ARHGEF12: variants seen among roughly 807,000 people sequenced by gnomAD.
ARHGEF12 encodes KMT2A/ARHGEF12 fusion protein.
In ARHGEF12, 66 loss-of-function variants were observed where a neutral mutation model predicts 211.2. The ratio of observed to expected loss-of-function variants is 0.31; its 90% CI spans 0.26 to 0.38. ARHGEF12 has a LOEUF of 0.38. ARHGEF12 is among the 10% of genes least tolerant of loss of function. The pLI is 1.00. For missense variants in ARHGEF12, 1,429 were observed against 1,869.5 expected, an observed-to-expected ratio of 0.76 and a Z score of 4.34; for synonymous variants, 592 against 638.4, an observed-to-expected ratio of 0.93 and a Z score of 1.09.
At chr11:120,471,812 T>C (rs1230682839) in intron 30 of ARHGEF12, among the ~76,000 whole-genome samples, 3 of 152,208 alleles carry the variant, frequency 2.0e-5, no homozygotes, top group African/African-American at 7.2e-5. Context: ...TTCACTATGC[T>C]CACTCAGACT....
At chr11:120,446,282 C>A in intron 16 of ARHGEF12, 121 bp from the exon 17 acceptor site, 1 of 442,078 alleles carries the variant, frequency 2.3e-6, no homozygotes, top group Non-Finnish European at 3.8e-6. Flanking sequence ...TACGAACTGC[C>A]CTGAAGAACT....
At chr11:120,460,852 T>C (rs1946504429) in intron 27 of ARHGEF12, 95 bp downstream of exon 27, 1 of 1,066,286 alleles carries the variant, frequency 9.4e-7, no homozygotes, top group Admixed American at 1.8e-5. Flanking sequence ...TGCAAACTCA[T>C]CCATGTTGCA....
chr11:120,445,064 T>G (rs911706328), intron 15 of ARHGEF12, among the ~76,000 whole-genome samples: 5 of 152,212 alleles, frequency 3.3e-5, no homozygotes, highest in African/African-American at 1.2e-4. Context: ...TACACATAAT[T>G]TAGGTTTTAC....
chr11:120,366,125 A>G (rs928659285), intron 1 of ARHGEF12, among the ~76,000 whole-genome samples: 3 of 152,178 alleles, frequency 2.0e-5, no homozygotes, highest in African/African-American at 7.2e-5. Context: ...ATGTGGTGGC[A>G]TATGCCTGTG....
chr11:120,424,397 G>T lies in ARHGEF12; in HGVS notation c.388G>T (p.Val130Leu), dbSNP rs1289426055. Reference protein sequence around the residue: ...TLVTHSNHLEVVKLIKSGSYV... With the variant: ...TLVTHSNHLELVKLIKSGSYV... ...GGTGACTCATTCAAATCATCTGGAG[G>T]TGGTGAAGCTAATCAAATGTAGGTG... is the stretch of plus-strand genomic sequence containing the variant. Residue 130 changes from valine to leucine, a missense_variant, in exon 7 of 41, where the codon GTG becomes TTG. By Grantham distance (32) the Val-to-Leu change is conservative. This residue lies in a region of ARHGEF12 where 60 missense variants were observed against 121.0 expected (regional missense o/e 0.50). Coordinates refer to ENST00000397843, the MANE Select transcript of ARHGEF12 (RefSeq NM_015313.3). 1 of 1,613,536 alleles carries T rather than the reference G, an allele frequency of 6.2e-7. No individual in the cohort carries two copies. Among genetic ancestry groups the T allele is most frequent in the Non-Finnish European group, 8.5e-7 (1 of 1,179,656 alleles).
intron 12 of ARHGEF12, 116 bp downstream of exon 12, chr11:120,437,498 T>A (rs1292657703): frequency 1.7e-6 from 1 of 585,960 alleles, no homozygotes; most frequent in Non-Finnish European, 2.6e-6. Context: ...GGAAAAAAAA[T>A]TAAAATTTAT....
chr11:120,471,212 A>G (rs1946854350), intron 30 of ARHGEF12, among the ~76,000 whole-genome samples: 1 of 152,236 alleles, frequency 6.6e-6, no homozygotes, highest in African/African-American at 2.4e-5. Context: ...AAACAGCCCA[A>G]GAATTTATCA....
At chr11:120,406,205 T>C (rs1944699449) in intron 2 of ARHGEF12, 64 bp downstream of exon 2, 1 of 1,149,902 alleles carries the variant, frequency 8.7e-7, no homozygotes. Flanking sequence ...AAGCATCCCT[T>C]TGAAATTATG....
intron 1 of ARHGEF12, among the ~76,000 whole-genome samples, chr11:120,366,603 A>G (rs1291683126): frequency 6.6e-6 from 1 of 152,220 alleles, no homozygotes; most frequent in Non-Finnish European, 1.5e-5. Context: ...GCTGTGAGCA[A>G]CAGGTAAATT....
chr11:120,429,928 T>C (rs1196796344), intron 10 of ARHGEF12, 97 bp downstream of exon 10: 15 of 1,392,816 alleles, frequency 1.1e-5, no homozygotes, highest in Non-Finnish European at 1.5e-5. Context: ...TTTAAAGTTA[T>C]TTTTCTAGCG....
chr11:120,477,438 T>TTTA lies in ARHGEF12; in HGVS notation c.3453-9_3453-8insTTA. The TTTA allele has an allele frequency of 6.4e-7, 1 of 1,571,652 alleles. No individual in the cohort carries two copies. The stretch of plus-strand genomic sequence containing the variant: ...GTAAAAGTTTTTTTTTTTTTTTTTT[T>TTTA]CTCTACAGAGGAGATAATGATGAAG... On this transcript the variant is annotated splice_polypyrimidine_tract_variant and intron_variant, in intron 35 of 40. Transcript: ENST00000397843.
rs368006303 is a variant in ARHGEF12 at position 120,419,237 on chromosome 11, G to GGCATGAGCCACCGT, written c.200-1514_200-1513insATGAGCCACCGTGC. ...GGCCTCCCAAAGTGCTGCGATTACAGGCCCGGCCTGCCTTTTCATTTTCTT... is the reference window on the plus strand; with the variant it reads ...GGCCTCCCAAAGTGCTGCGATTACAGGCATGAGCCACCGTGCCCGGCCTGCCTTTTCATTTTCTT... On this transcript the variant is annotated intron_variant, in intron 4 of 40. Coordinates refer to ENST00000397843, the MANE Select transcript of ARHGEF12 (RefSeq NM_015313.3). Among the ~76,000 whole-genome samples the GGCATGAGCCACCGT allele has an allele frequency of 1.0e-3, 155 of 152,028 alleles. 2 individuals carry two copies. The highest frequency in any genetic ancestry group is 3.3e-3 in the African/African-American group (137 of 41,466).
chr11:120,485,067 A>G lies in ARHGEF12; in HGVS notation c.4625A>G (p.Asp1542Gly), dbSNP rs1298657451. ...AGSALTDKHSDKS is the reference protein window; with the variant it reads ...AGSALTDKHSGKS Reference sequence around the variant, plus strand: ...TTCCATGTATCTTTATTCTTCTCAGATAAAAGTTAGAGCCGCATGTCCTGG... The same window carrying G: ...TTCCATGTATCTTTATTCTTCTCAGGTAAAAGTTAGAGCCGCATGTCCTGG... Residue 1542 changes from aspartate (D) to glycine (G), a missense_variant and splice_region_variant, in exon 41 of 41, where the codon GAT becomes GGT. This residue lies in a region of ARHGEF12 where 467 missense variants were observed against 468.4 expected (regional missense o/e 1.00). Transcript: ENST00000397843. 1.2e-6 allele frequency: 2 copies of G among 1,613,410 alleles called. No individual in the cohort carries two copies. The highest frequency in any genetic ancestry group is 2.2e-5 in the East Asian group (1 of 44,888).
chr11:120,368,502 T>C lies in ARHGEF12; in HGVS notation c.32+31227T>C, dbSNP rs527876252. On this transcript the variant is annotated intron_variant, in intron 1 of 40. Coordinates refer to ENST00000397843, the MANE Select transcript of ARHGEF12 (RefSeq NM_015313.3). The stretch of plus-strand genomic sequence containing the variant: ...TGTTTATTACCTGGTATGTTCTGAG[T>C]ATCAGGCTGTGTACTTAACCTCACT... Among the ~76,000 whole-genome samples, 3 of 152,274 alleles carry C rather than the reference T, an allele frequency of 2.0e-5. 1 individual carries two copies. In the South Asian group the frequency reaches 6.2e-4, roughly 32 times the overall value.
chr11:120,348,485 C>T (rs1395688834), intron 1 of ARHGEF12, among the ~76,000 whole-genome samples: 1 of 152,104 alleles, frequency 6.6e-6, no homozygotes, highest in Non-Finnish European at 1.5e-5. Flanking sequence ...AAATTCTACA[C>T]GTAAGTACAT....
chr11:120,427,957 A>T, intron 7 of ARHGEF12, 112 bp from the exon 8 acceptor site: 1 of 899,242 alleles, frequency 1.1e-6, no homozygotes, highest in Non-Finnish European at 1.6e-6. Context: ...GGACTGTCTT[A>T]CATAACTGGA....
chr11:120,379,798 C>A (rs553732013), intron 1 of ARHGEF12, among the ~76,000 whole-genome samples: 2 of 151,764 alleles, frequency 1.3e-5, no homozygotes, highest in Non-Finnish European at 2.9e-5. Context: ...TTTGGTTTAT[C>A]CTAATGGTCT....
At chr11:120,358,754 A>T (rs557111936) in intron 1 of ARHGEF12, among the ~76,000 whole-genome samples, 29 of 152,288 alleles carry the variant, frequency 1.9e-4, no homozygotes, top group African/African-American at 6.5e-4. Context: ...AAATTATTGC[A>T]AAAAGCTCTT....
intron 15 of ARHGEF12, among the ~76,000 whole-genome samples, chr11:120,444,587 T>C (rs17123921): frequency 0.013 from 1,966 of 152,304 alleles, 36 homozygotes; most frequent in African/African-American, 0.045. Context: ...CGGTGACTTA[T>C]TTTCAAATTT....
Sources: gnomAD v4.1 joint callset for allele counts (sites outside exome capture counted in the v4.1 genomes callset) on GRCh38, gnomAD v4.1.1 for gene constraint, gnomAD v4.1.1 regional missense constraint, MANE v1.5 for transcripts, NCBI Gene and HGNC (gene_info 2026-07-23, HGNC 2026-07-21) for gene names.